The following GTSE1 variants were observed in gnomAD, a reference collection of about 807,000 sequenced individuals.
The protein encoded by GTSE1 is G2 and S-phase expressed 1.
A neutral mutation model predicts 60.5 loss-of-function variants in GTSE1; 52 were observed. The observed-to-expected ratio is 0.86, with a 90% CI of 0.69 to 1.08. The LOEUF (loss-of-function observed/expected upper bound fraction) is 1.08, where lower values mean the gene tolerates loss of function less well. Ranked by LOEUF, GTSE1 falls within the 50% of genes least tolerant of loss-of-function variation. The probability of loss-of-function intolerance (pLI) is 0.00; values close to 1 mark genes in which losing one functional copy is unlikely to be tolerated. For missense variants in GTSE1, 937 were observed against 961.8 expected, an observed-to-expected ratio of 0.97 and a Z score of 0.34; for synonymous variants, 368 against 386.5, an observed-to-expected ratio of 0.95 and a Z score of 0.56.
chr22:46,329,786 G>A lies in GTSE1; in HGVS notation c.2136+219G>A, dbSNP rs1281119362. Among the ~76,000 whole-genome samples the A allele has an allele frequency of 6.6e-6, 1 of 152,216 alleles. No individual in the cohort carries two copies. Among genetic ancestry groups the A allele is most frequent in the Non-Finnish European group, 1.5e-5 (1 of 68,020 alleles). On this transcript the variant is annotated intron_variant, in intron 11 of 11. Transcript: ENST00000454366. This position sits in a 1 kb window ranked among gnomAD's most constrained non-coding sequence, Gnocchi z 6.4. ...GGACCCTGCCAGCTCTTGTTGGACAGGGACCGCCTCTCTCCTGCCCATAGA... is the reference window on the plus strand; with the variant it reads ...GGACCCTGCCAGCTCTTGTTGGACAAGGACCGCCTCTCTCCTGCCCATAGA...
At chr22:46,326,744 G>A (rs1261199191) in intron 9 of GTSE1, 90 bp downstream of exon 9, 3 of 853,404 alleles carry the variant, frequency 3.5e-6, no homozygotes, top group Non-Finnish European at 5.3e-6. Context: ...CTTGCTCCAG[G>A]TTTTAGTGAA....
intron 8 of GTSE1, among the ~76,000 whole-genome samples, chr22:46,325,466 G>T (rs1369558007): frequency 6.6e-6 from 1 of 152,054 alleles, no homozygotes; most frequent in Non-Finnish European, 1.5e-5. Flanking sequence ...AAAGTGCTGG[G>T]ATTACAGGCG....
rs755499979 is a variant in GTSE1 at position 46,319,204 on chromosome 22, C to T, written c.1432+2792C>T. Among the ~76,000 whole-genome samples the T allele has an allele frequency of 4.6e-5, 7 of 152,196 alleles. No individual in the cohort carries two copies. The highest frequency in any genetic ancestry group is 6.5e-5 in the Admixed American group (1 of 15,282). The stretch of plus-strand genomic sequence containing the variant: ...AGCCCGAGGCCGGCTCCCAGAGCGC[C>T]GCGTGACCAGAGCGGACCCTGGAGT... On this transcript the variant is annotated intron_variant, in intron 7 of 11. Transcript: ENST00000454366. This position sits in a 1 kb window ranked among gnomAD's most constrained non-coding sequence, Gnocchi z 5.0.
Position 46,309,506 on chromosome 22 carries a change from G to A in GTSE1, c.762+563G>A, listed in dbSNP as rs115622134. Among the ~76,000 whole-genome samples the A allele has an allele frequency of 0.013, 1,926 of 152,256 alleles. 49 individuals carry two copies. Among genetic ancestry groups the A allele is most frequent in the African/African-American group, 0.044 (1,824 of 41,552 alleles). ...CGGGAGAGGCCACAGAGAGGAAGAC[G>A]GGGCGGGTGGGAGCCCCGGGGCCCA... On this transcript the variant is annotated intron_variant, in intron 4 of 11. Transcript: ENST00000454366. This position sits in a 1 kb window ranked among gnomAD's most constrained non-coding sequence, Gnocchi z 6.2.
At chr22:46,311,161 T>C (rs531167736) in intron 4 of GTSE1, among the ~76,000 whole-genome samples, 1 of 152,024 alleles carries the variant, frequency 6.6e-6, no homozygotes, top group South Asian at 2.1e-4. Context: ...CACTGCATCC[T>C]CTGCCTCTCG....
At position 46,308,625 on chromosome 22, in the gene GTSE1, TGAGA is replaced by T; in HGVS notation, c.445_448del (p.Glu149LysfsTer5). The T allele has an allele frequency of 6.2e-7, 1 of 1,613,738 alleles. No homozygotes were observed. Among genetic ancestry groups the T allele is most frequent in the Non-Finnish European group, 8.5e-7 (1 of 1,179,814 alleles). On this transcript the variant is annotated frameshift_variant, in exon 4 of 12. Coordinates refer to ENST00000454366, the MANE Select transcript of GTSE1 (RefSeq NM_016426.7). LOFTEE classifies it high-confidence loss of function. ...AGTCAAAATTAAAAATAAACCTCTT[TGAGA>T]AAGAAAAGGAAATGAAGAAAAGCCC...
intron 4 of GTSE1, among the ~76,000 whole-genome samples, chr22:46,311,358 G>A (rs1391213452): frequency 1.3e-5 from 2 of 152,192 alleles, no homozygotes; most frequent in African/African-American, 2.4e-5. Flanking sequence ...GATTACAGGC[G>A]TGAGCCACTG....
In GTSE1 at chr22:46,329,728, T is replaced by C. The variant is rs1013798567; in HGVS notation, c.2136+161T>C. Among the ~76,000 whole-genome samples the C allele has an allele frequency of 1.1e-4, 17 of 152,152 alleles. No individual in the cohort carries two copies. Among genetic ancestry groups the C allele is most frequent in the African/African-American group, 4.1e-4 (17 of 41,440 alleles). On this transcript the variant is annotated intron_variant, in intron 11 of 11. Transcript: ENST00000454366. This position sits in a 1 kb window ranked among gnomAD's most constrained non-coding sequence, Gnocchi z 6.4. ...ATGCACCTTTGGCAGCCTGAGCTTCTCAAAGATCAGCTGCCTCTGAGGTGC... is the reference window on the plus strand; with the variant it reads ...ATGCACCTTTGGCAGCCTGAGCTTCCCAAAGATCAGCTGCCTCTGAGGTGC...
chr22:46,315,915 A>G, intron 6 of GTSE1, 117 bp from the exon 7 acceptor site: 1 of 811,250 alleles, frequency 1.2e-6, no homozygotes. Context: ...CTTATAGAAT[A>G]TTGTTAATGT....
At position 46,299,288 on chromosome 22, in the gene GTSE1, G is replaced by A. The variant is rs79424789; in HGVS notation, c.79+1809G>A. On this transcript the variant is annotated intron_variant, in intron 2 of 11. Coordinates refer to ENST00000454366, the MANE Select transcript of GTSE1 (RefSeq NM_016426.7). Reference sequence around the variant, plus strand: ...CGCTTTGTGCTTTCGCCCTCAGGGCGGTCAGCATTCCAATAGCTGTGCAGC... The same window carrying A: ...CGCTTTGTGCTTTCGCCCTCAGGGCAGTCAGCATTCCAATAGCTGTGCAGC... Among the ~76,000 whole-genome samples the A allele has an allele frequency of 9.6e-3, 1,470 of 152,350 alleles. 21 individuals carry two copies. The highest frequency in any genetic ancestry group is 0.029 in the African/African-American group (1,206 of 41,580).
At chr22:46,303,308 G>A (rs539859749) in intron 2 of GTSE1, among the ~76,000 whole-genome samples, 19 of 152,176 alleles carry the variant, frequency 1.2e-4, no homozygotes, top group Admixed American at 3.3e-4. Context: ...TGCATCTTTC[G>A]TTGCTGCTAG....
intron 2 of GTSE1, among the ~76,000 whole-genome samples, chr22:46,303,028 T>G (rs1166024337): frequency 6.6e-6 from 1 of 151,814 alleles, no homozygotes. Context: ...GCCTCCCAAG[T>G]AGCTGGGACT....
chr22:46,299,319 T>C (rs2077675833), intron 2 of GTSE1, among the ~76,000 whole-genome samples: 1 of 152,390 alleles, frequency 6.6e-6, no homozygotes, highest in Non-Finnish European at 1.5e-5. Context: ...GCAGCGTATC[T>C]GCTCTCTGCG....
In GTSE1 at chr22:46,329,814, C is replaced by T. The variant is rs920938892; in HGVS notation, c.2137-233C>T. 2.6e-5 allele frequency among the ~76,000 whole-genome samples: 4 copies of T among 152,228 alleles called. No individual in the cohort carries two copies. Among genetic ancestry groups the T allele is most frequent in the Non-Finnish European group, 5.9e-5 (4 of 68,044 alleles). On this transcript the variant is annotated intron_variant, in intron 11 of 11. Transcript: ENST00000454366. The surrounding 1 kb of genome is among the most constrained non-coding windows in gnomAD (Gnocchi z 6.4). ...ACCGCCTCTCTCCTGCCCATAGACC[C>T]CAGGGCCAGATGTGGGACAGAGGAA...
intron 2 of GTSE1, among the ~76,000 whole-genome samples, chr22:46,298,577 G>T (rs2077671192): frequency 6.6e-6 from 1 of 152,056 alleles, no homozygotes; most frequent in Non-Finnish European, 1.5e-5. Flanking sequence ...CAAAGTACTG[G>T]GATTACAGGT....
chr22:46,320,723 G>C lies in GTSE1; in HGVS notation c.1433-2467G>C, dbSNP rs2077807481. Reference sequence around the variant, plus strand: ...TGAGTCCATGCTGCCGGGTCACCCAGAGGATTGAGACTTGGAATTCTGGCT... The same window carrying C: ...TGAGTCCATGCTGCCGGGTCACCCACAGGATTGAGACTTGGAATTCTGGCT... On this transcript the variant is annotated intron_variant, in intron 7 of 11. Coordinates refer to ENST00000454366, the MANE Select transcript of GTSE1 (RefSeq NM_016426.7). This position sits in a 1 kb window ranked among gnomAD's most constrained non-coding sequence, Gnocchi z 7.1. Among the ~76,000 whole-genome samples the C allele has an allele frequency of 6.6e-6, 1 of 152,222 alleles. No homozygotes were observed. Among genetic ancestry groups the C allele is most frequent in the East Asian group, 1.9e-4 (1 of 5,198 alleles).
At chr22:46,326,796 G>A in intron 9 of GTSE1, 142 bp downstream of exon 9, 1 of 593,696 alleles carries the variant, frequency 1.7e-6, no homozygotes, top group Admixed American at 3.5e-5. Flanking sequence ...TTTTTTCATT[G>A]CAAAGAGAAA....
chr22:46,300,500 G>T (rs1287961757), intron 2 of GTSE1, among the ~76,000 whole-genome samples: 2 of 152,178 alleles, frequency 1.3e-5, no homozygotes, highest in Admixed American at 6.5e-5. Context: ...GACCCAACTT[G>T]TGTTTTCACC....
In GTSE1 at chr22:46,319,301, C is replaced by T. The variant is rs143642779; in HGVS notation, c.1432+2889C>T. Among the ~76,000 whole-genome samples the T allele has an allele frequency of 7.2e-5, 11 of 152,268 alleles. No homozygotes were observed. In the East Asian group the frequency reaches 2.1e-3, roughly 29 times the overall value. On this transcript the variant is annotated intron_variant, in intron 7 of 11. Transcript: ENST00000454366. This position sits in a 1 kb window ranked among gnomAD's most constrained non-coding sequence, Gnocchi z 5.0. ...ACTTGACCTTCAGAAGGTCCCTCCACAGAGGGAAGAGCAGAGTCTCTGGGC... is the reference window on the plus strand; with the variant it reads ...ACTTGACCTTCAGAAGGTCCCTCCATAGAGGGAAGAGCAGAGTCTCTGGGC...
Sources: gnomAD v4.1 joint callset for allele counts (sites outside exome capture counted in the v4.1 genomes callset) on GRCh38, gnomAD v4.1.1 for gene constraint, Gnocchi (gnomAD v3.1) non-coding constraint, MANE v1.5 for transcripts, NCBI Gene and HGNC (gene_info 2026-07-23, HGNC 2026-07-21) for gene names.